Variants in TMEM150B observed in about 807,000 individuals in gnomAD.
TMEM150B encodes the protein modulator of macroautophagy TMEM150B.
A neutral mutation model predicts 25.2 loss-of-function variants in TMEM150B; 33 were observed. The observed-to-expected ratio is 1.31, with a 90% CI of 0.99 to 1.75. The LOEUF is 1.75. Ranked by LOEUF, TMEM150B falls within the 40% of genes most tolerant of loss-of-function variation. The pLI is 0.00. For synonymous variants in TMEM150B, 133 were observed against 134.8 expected (o/e 0.99, Z 0.09); for missense variants, 322 against 306.1 (o/e 1.05, Z -0.39).
chr19:55,320,583 G>T lies in TMEM150B; in HGVS notation c.103C>A (p.Leu35Ile), dbSNP rs1309625471. Residue 35 changes from leucine (L) to isoleucine (I), a missense_variant, in exon 4 of 8, where the codon CTC (leucine) becomes ATC (isoleucine). Physicochemically the swap from Leu to Ile is conservative, Grantham distance 5. Coordinates refer to ENST00000326652, the MANE Select transcript of TMEM150B (RefSeq NM_001282011.2). ...CTGATGTAGGGAAAGCCTTTACTGA[G>T]GTCCACAGTCCTGTTGGTCACTGCA... is the stretch of plus-strand genomic sequence containing the variant. ...AIAVTNRTVD[L>I]SKGFPYISIC... The T allele has an allele frequency of 6.2e-7, 1 of 1,613,776 alleles. No individual in the cohort carries two copies. The highest frequency in any genetic ancestry group is 1.7e-5 in the Admixed American group (1 of 59,976).
intron 7 of TMEM150B, among the ~76,000 whole-genome samples, chr19:55,315,004 A>G (rs1724721583): frequency 6.6e-6 from 1 of 152,036 alleles, no homozygotes; most frequent in Admixed American, 6.6e-5. Context: ...CTCTCACTCT[A>G]CACTCTACCT....
rs746821989 is a variant in TMEM150B at position 55,316,853 on chromosome 19, G to A, written c.438C>T (p.Pro146=). 23 of 1,593,060 alleles carry A rather than the reference G, an allele frequency of 1.4e-5. No homozygotes were observed. Among genetic ancestry groups the A allele is most frequent in the East Asian group, 4.6e-5 (2 of 43,516 alleles). The part of the protein sequence containing the change: ...LLWRLKRLPQ[P]GAAWIGPLRL... ...GGAGGGGCCCAATCCAGGCAGCCCC[G>A]GGCTGGGGCAGCCTCTTCAGCCTCC... is the stretch of plus-strand genomic sequence containing the variant. The change falls in exon 7 of 8, where the codon CCC becomes CCT. Residue 146 remains proline, a synonymous_variant. Transcript: ENST00000326652.
In TMEM150B at chr19:55,321,196, T is replaced by C. The variant is rs562898409; in HGVS notation, c.-57-103A>G. On this transcript the variant is annotated intron_variant, in intron 2 of 7. Transcript: ENST00000326652. Reference sequence around the variant, plus strand: ...GCAGAAGTCACCTGTAGGGGTCTGATCTGATTGGCCAGCTCTCCATTTCCA... The same window carrying C: ...GCAGAAGTCACCTGTAGGGGTCTGACCTGATTGGCCAGCTCTCCATTTCCA... 63 of 1,414,754 alleles carry C rather than the reference T, an allele frequency of 4.5e-5. No individual in the cohort carries two copies. In the African/African-American group the frequency reaches 7.2e-4, roughly 16 times the overall value. The allele number at this position is 1,414,754 out of a possible 1,614,324, so 87.6% of individuals were successfully genotyped here.
At chr19:55,315,956 G>A (rs531232798) in intron 7 of TMEM150B, among the ~76,000 whole-genome samples, 53 of 152,166 alleles carry the variant, frequency 3.5e-4, no homozygotes, top group Non-Finnish European at 7.1e-4. Flanking sequence ...AAATAATCAT[G>A]ATGATAAAAG....
chr19:55,319,660 G>C, intron 6 of TMEM150B: 1 of 812,882 alleles, frequency 1.2e-6, no homozygotes, highest in Non-Finnish European at 1.5e-6. Context: ...TGGTTGGCCA[G>C]GCTGGTCTCA....
chr19:55,324,868 G>C, intron 1 of TMEM150B: 1 of 985,278 alleles, frequency 1.0e-6, no homozygotes, highest in Non-Finnish European at 1.2e-6. Context: ...ATCCCTGTCT[G>C]TGGGCAACAC....
Position 55,320,130 on chromosome 19 carries a change from C to G in TMEM150B, c.233G>C (p.Arg78Pro), listed in dbSNP as rs1347823818. Residue 78 changes from arginine (R) to proline (P), a missense_variant, in exon 6 of 8, where the codon CGG becomes CCG. Physicochemically the swap from Arg to Pro is moderately radical, Grantham distance 103. Coordinates refer to ENST00000326652, the MANE Select transcript of TMEM150B (RefSeq NM_001282011.2). ...AGGCCACCTTCTGACGCCCCAGTCCCGGAGCTGGTGGTAACGGACAATGCA... is the reference window on the plus strand; with the variant it reads ...AGGCCACCTTCTGACGCCCCAGTCCGGGAGCTGGTGGTAACGGACAATGCA... ...WICIVRYHQL[R>P]DWGVRRWPNQ... 1.2e-6 allele frequency: 2 copies of G among 1,613,996 alleles called. No homozygotes were observed. Among genetic ancestry groups the G allele is most frequent in the Non-Finnish European group, 1.7e-6 (2 of 1,180,022 alleles).
chr19:55,311,818 C>A, downstream of TMEM150B: 1 of 1,364,376 alleles, frequency 7.3e-7, no homozygotes, highest in Non-Finnish European at 1.0e-6. Context: ...TTACTGAGAC[C>A]GACTGATGAG....
At chr19:55,320,325 G>T in intron 5 of TMEM150B, 66 bp downstream of exon 5, 1 of 1,499,268 alleles carries the variant, frequency 6.7e-7, no homozygotes, top group South Asian at 1.3e-5. Flanking sequence ...TTTGAGAAAG[G>T]AGCGGTTTCG....
At chr19:55,319,973 G>A (rs1245681785) in intron 6 of TMEM150B, 66 bp downstream of exon 6, 2 of 1,609,952 alleles carry the variant, frequency 1.2e-6, no homozygotes, top group Non-Finnish European at 1.7e-6. Flanking sequence ...ATGGCCACGG[G>A]GCATGCTGGG....
chr19:55,318,644 G>A (rs1600223976), intron 6 of TMEM150B, among the ~76,000 whole-genome samples: 4 of 152,136 alleles, frequency 2.6e-5, no homozygotes, highest in African/African-American at 7.2e-5. Context: ...TCCAATATAT[G>A]TATATATATA....
intron 1 of TMEM150B, among the ~76,000 whole-genome samples, 154 bp downstream of exon 1, chr19:55,325,118 C>T (rs2089299991): frequency 6.6e-6 from 1 of 152,200 alleles, no homozygotes; most frequent in African/African-American, 2.4e-5. Flanking sequence ...TCTGAGCCTC[C>T]ATACCCAACT....
chr19:55,315,457 C>G (rs1334688879), intron 7 of TMEM150B, among the ~76,000 whole-genome samples: 1 of 151,608 alleles, frequency 6.6e-6, no homozygotes, highest in Admixed American at 6.6e-5. Context: ...TGATGAAACC[C>G]CGTCTCTACT....
At chr19:55,318,855 C>T (rs1240652839) in intron 6 of TMEM150B, among the ~76,000 whole-genome samples, 3 of 152,190 alleles carry the variant, frequency 2.0e-5, no homozygotes, top group African/African-American at 4.8e-5. Flanking sequence ...GGCTGGAGTG[C>T]AGTGGCACAA....
chr19:55,312,144 G>A (rs956679392), downstream of TMEM150B: 4 of 655,126 alleles, frequency 6.1e-6, no homozygotes, highest in African/African-American at 5.8e-5. Flanking sequence ...CTGTAAATAA[G>A]GCCCAAGGAA....
rs1367075553 is a variant in TMEM150B, at chr19:55,320,031, G to A, written c.324+8C>T. 6.2e-7 allele frequency: 1 copy of A among 1,613,946 alleles called. No individual in the cohort carries two copies. The highest frequency in any genetic ancestry group is 1.3e-5 in the African/African-American group (1 of 74,904). ...CGGGACAGACCCTGGGCGCCGACTGGGTCTCACCTGGAAATTGCCTACCAC... is the reference window on the plus strand; with the variant it reads ...CGGGACAGACCCTGGGCGCCGACTGAGTCTCACCTGGAAATTGCCTACCAC... On this transcript the variant is annotated splice_region_variant and intron_variant, in intron 6 of 7. Transcript: ENST00000326652.
intron 6 of TMEM150B, chr19:55,319,788 G>A (rs1307729195): frequency 7.6e-6 from 10 of 1,323,450 alleles, no homozygotes; most frequent in African/African-American, 7.4e-5. Context: ...GAGAGGGGCT[G>A]GCAGAAAATT....
At position 55,314,565 on chromosome 19, in the gene TMEM150B, G is replaced by A. The variant is rs115568173; in HGVS notation, c.506-1510C>T. The stretch of plus-strand genomic sequence containing the variant: ...GTCTTTACAGACGTCCATCCCTTAC[G>A]ACACTCAGCTAGCTGTCTTTATGGT... On this transcript the variant is annotated intron_variant, in intron 7 of 7. Transcript: ENST00000326652. Among the ~76,000 whole-genome samples, 264 of 152,166 alleles carry A rather than the reference G, an allele frequency of 1.7e-3. 3 individuals are homozygous for A. Among genetic ancestry groups the A allele is most frequent in the African/African-American group, 5.5e-3 (227 of 41,500 alleles).
downstream of TMEM150B, among the ~76,000 whole-genome samples, chr19:55,311,478 T>A (rs113729950): frequency 1.1e-3 from 164 of 152,268 alleles, no homozygotes; most frequent in African/African-American, 3.7e-3. Context: ...GTAGGCTCCC[T>A]TGAGCCCAGT....
Sources: gnomAD v4.1 joint callset for allele counts (sites outside exome capture counted in the v4.1 genomes callset) on GRCh38, gnomAD v4.1.1 for gene constraint, MANE v1.5 for transcripts, NCBI Gene and HGNC (gene_info 2026-07-23, HGNC 2026-07-21) for gene names.